ITGA9: variants seen among roughly 807,000 people sequenced by gnomAD.
ITGA9 encodes integrin subunit alpha 9.
A neutral mutation model predicts 127.8 loss-of-function variants in ITGA9; 56 were observed. The ratio of observed to expected loss-of-function variants is 0.44; its 90% CI spans 0.35 to 0.55. The LOEUF (loss-of-function observed/expected upper bound fraction) is 0.55. Ranked by LOEUF, ITGA9 falls within the 20% of genes least tolerant of loss-of-function variation. The probability of loss-of-function intolerance (pLI) is 0.00; values close to 1 mark genes in which losing one functional copy is unlikely to be tolerated. For synonymous variants in ITGA9, 508 were observed against 514.5 expected (o/e 0.99, Z 0.17); for missense variants, 1,196 against 1,347.1 (o/e 0.89, Z 1.76).
intron 26 of ITGA9, among the ~76,000 whole-genome samples, chr3:37,791,481 A>T (rs1697108816): frequency 6.6e-6 from 1 of 152,182 alleles, no homozygotes; most frequent in South Asian, 2.1e-4. Context: ...AACCAGACCA[A>T]AAATCAGAGG....
At chr3:37,552,259 T>A (rs1699385627) in intron 15 of ITGA9, among the ~76,000 whole-genome samples, 1 of 152,158 alleles carries the variant, frequency 6.6e-6, no homozygotes, top group African/African-American at 2.4e-5. Flanking sequence ...TATTCCTCTG[T>A]CATGTATGCT....
At chr3:37,727,005 A>G (rs76500474) in intron 18 of ITGA9, among the ~76,000 whole-genome samples, 4,824 of 152,320 alleles carry the variant, frequency 0.032, 117 homozygotes, top group Non-Finnish European at 0.046. Flanking sequence ...ACGAAACATC[A>G]TAGCTTAGCC....
At chr3:37,657,300 G>T (rs970055120) in intron 17 of ITGA9, among the ~76,000 whole-genome samples, 2 of 152,290 alleles carry the variant, frequency 1.3e-5, no homozygotes, top group East Asian at 3.9e-4. Flanking sequence ...GTAGAATTCA[G>T]TTGTGAATCC....
intron 20 of ITGA9, among the ~76,000 whole-genome samples, chr3:37,737,396 G>A (rs1158195447): frequency 6.6e-6 from 1 of 152,248 alleles, no homozygotes; most frequent in Non-Finnish European, 1.5e-5. Flanking sequence ...GATGGAGTGG[G>A]CAGGTCACCT....
chr3:37,795,810 G>A (rs190322610), intron 26 of ITGA9, among the ~76,000 whole-genome samples: 3 of 152,264 alleles, frequency 2.0e-5, no homozygotes, highest in Admixed American at 6.5e-5. Flanking sequence ...TACTGAAAGC[G>A]TGGATCTAAC....
At chr3:37,694,542 G>C (rs557297684) in intron 18 of ITGA9, among the ~76,000 whole-genome samples, 1 of 152,198 alleles carries the variant, frequency 6.6e-6, no homozygotes, top group Non-Finnish European at 1.5e-5. Flanking sequence ...AGCTTCATTT[G>C]TGTATTCACT....
At chr3:37,725,926 C>A (rs1376112673) in intron 18 of ITGA9, among the ~76,000 whole-genome samples, 3 of 152,222 alleles carry the variant, frequency 2.0e-5, no homozygotes, top group Admixed American at 1.3e-4. Flanking sequence ...TTTACAATTT[C>A]TATGCTGCAG....
intron 18 of ITGA9, among the ~76,000 whole-genome samples, chr3:37,688,754 C>A (rs780576517): frequency 1.3e-5 from 2 of 152,180 alleles, no homozygotes; most frequent in Non-Finnish European, 2.9e-5. Context: ...GCTTAGGGAG[C>A]CCGTGTGCAG....
chr3:37,656,117 C>T (rs908414689), intron 17 of ITGA9, among the ~76,000 whole-genome samples: 24 of 152,284 alleles, frequency 1.6e-4, no homozygotes, highest in Admixed American at 8.5e-4. Context: ...AGTTTGAAGT[C>T]AGGTAGCATG....
At chr3:37,555,999 T>C (rs896275537) in intron 15 of ITGA9, among the ~76,000 whole-genome samples, 1 of 152,228 alleles carries the variant, frequency 6.6e-6, no homozygotes, top group Non-Finnish European at 1.5e-5. Flanking sequence ...TTGGGACATA[T>C]TACAATATTG....
chr3:37,477,380 G>T (rs1466373694), intron 3 of ITGA9, among the ~76,000 whole-genome samples: 2 of 152,170 alleles, frequency 1.3e-5, no homozygotes, highest in Admixed American at 6.5e-5. Flanking sequence ...CTGCAATGGG[G>T]CGTGAAATGT....
At chr3:37,500,164 T>C (rs536608486) in intron 5 of ITGA9, among the ~76,000 whole-genome samples, 24 of 152,358 alleles carry the variant, frequency 1.6e-4, no homozygotes, top group Middle Eastern at 3.4e-3. Context: ...GATGAACTTA[T>C]TTCTGTTTTT....
At chr3:37,630,849 C>T (rs975871277) in intron 16 of ITGA9, among the ~76,000 whole-genome samples, 1 of 152,078 alleles carries the variant, frequency 6.6e-6, no homozygotes, top group East Asian at 1.9e-4. Flanking sequence ...AGGGAGGACA[C>T]GTGGTGTCTA....
At chr3:37,548,272 G>T (rs1004282760) in intron 15 of ITGA9, among the ~76,000 whole-genome samples, 8 of 152,154 alleles carry the variant, frequency 5.3e-5, no homozygotes, top group African/African-American at 1.9e-4. Flanking sequence ...AAAGCAGATT[G>T]GTGGTTTTCA....
chr3:37,772,018 G>T (rs73825417), intron 23 of ITGA9, among the ~76,000 whole-genome samples: 8 of 152,264 alleles, frequency 5.3e-5, no homozygotes, highest in African/African-American at 1.7e-4. Flanking sequence ...GCTGTGTGAC[G>T]TGTGTCCCAG....
intron 24 of ITGA9, among the ~76,000 whole-genome samples, chr3:37,778,105 T>C (rs1696929593): frequency 6.6e-6 from 1 of 152,124 alleles, no homozygotes; most frequent in Non-Finnish European, 1.5e-5. Flanking sequence ...ACAGAATATA[T>C]TGAGTGGAAG....
rs1370669513 is a variant in ITGA9, at chr3:37,822,686, C to G, written c.*3697C>G. The G allele has an allele frequency of 6.6e-6, 1 of 152,222 alleles. No homozygotes were observed. The highest frequency in any genetic ancestry group is 6.5e-5 in the Admixed American group (1 of 15,290). 9.4% of individuals were successfully genotyped at this position (152,222 alleles called of 1,614,324 possible). A position where few individuals can be genotyped will look rare whatever the true frequency, so the allele number is the denominator to read the frequency against. ...ACCCAACAGCACTCCTGGGAACATC[C>G]TGTTTTCCATGCGGAAGCATAGCAG... On this transcript the variant is annotated 3_prime_UTR_variant, in exon 28 of 28. Transcript: ENST00000264741.
intron 20 of ITGA9, among the ~76,000 whole-genome samples, chr3:37,738,083 A>G (rs1051680322): frequency 1.1e-4 from 16 of 152,236 alleles, no homozygotes; most frequent in Non-Finnish European, 1.8e-4. Context: ...CAGTTATCCC[A>G]ATAATGTCTT....
Position 37,777,437 on chromosome 3 carries a change from C to G in ITGA9, c.2587C>G (p.Pro863Ala), listed in dbSNP as rs1412468459. 2 of 1,614,128 alleles carry G rather than the reference C, an allele frequency of 1.2e-6. No individual in the cohort carries two copies. The highest frequency in any genetic ancestry group is 2.2e-5 in the South Asian group (2 of 91,080). The part of the protein sequence containing the change: ...GNCSFQKNPT[P>A]CIIPQEQENI... ...CTGCTCTTTCCAGAAAAACCCAACT[C>G]CCTGCATCATCCCTCAAGAACAAGA... Residue 863 changes from proline (P) to alanine (A), a missense_variant, in exon 24 of 28, where the codon CCC becomes GCC. Physicochemically the swap from Pro to Ala is conservative, Grantham distance 27. Coordinates refer to ENST00000264741, the MANE Select transcript of ITGA9 (RefSeq NM_002207.3).
Sources: gnomAD v4.1 joint callset for allele counts (sites outside exome capture counted in the v4.1 genomes callset) on GRCh38, gnomAD v4.1.1 for gene constraint, MANE v1.5 for transcripts, NCBI Gene and HGNC (gene_info 2026-07-23, HGNC 2026-07-21) for gene names.